CNIH3: variants seen among roughly 807,000 people sequenced by gnomAD.
The protein encoded by CNIH3 is cornichon family AMPA receptor auxiliary protein 3.
A neutral mutation model predicts 24.1 loss-of-function variants in CNIH3; 14 were observed. That is an observed-to-expected ratio of 0.58 (90% CI 0.38 to 0.91). The LOEUF is 0.91. CNIH3 is among the 40% of genes least tolerant of loss of function. The pLI, the probability that CNIH3 is intolerant of heterozygous loss-of-function variation, is 0.00. For synonymous variants in CNIH3, 68 were observed against 73.8 expected (o/e 0.92, Z 0.40); for missense variants, 178 against 196.8 (o/e 0.90, Z 0.57).
chr1:224,629,498 C>T (rs150333476), intron 1 of CNIH3, among the ~76,000 whole-genome samples: 7 of 152,208 alleles, frequency 4.6e-5, no homozygotes, highest in East Asian at 3.9e-4. Context: ...CTCTTTCTGT[C>T]GACAGTTCCG....
rs1332672043 is a variant in CNIH3 at position 224,458,941 on chromosome 1, AG to A, written n.203+24083del. Among the ~76,000 whole-genome samples, 1 of 152,216 alleles carries A rather than the reference AG, an allele frequency of 6.6e-6. No homozygotes were observed. Among genetic ancestry groups the A allele is most frequent in the Non-Finnish European group, 1.5e-5 (1 of 68,044 alleles). On this transcript the variant is annotated intron_variant and non_coding_transcript_variant, in intron 1 of 5. Coordinates refer to the CNIH3 transcript ENST00000471578. This position sits in a 1 kb window ranked among gnomAD's most constrained non-coding sequence, Gnocchi z 4.3. ...CGCTTTGCAGCAACTTTTCAAGAAAAGGGGAAAATTTAAGCACCATACTGTT... is the reference window on the plus strand; with the variant it reads ...CGCTTTGCAGCAACTTTTCAAGAAAAGGGAAAATTTAAGCACCATACTGTT...
At position 224,710,017 on chromosome 1, in the gene CNIH3, GA is replaced by G. The variant is rs976332894; in HGVS notation, c.199-20440del. Among the ~76,000 whole-genome samples, 267 of 152,110 alleles carry G rather than the reference GA, an allele frequency of 1.8e-3. 1 individual carries two copies. Among genetic ancestry groups the G allele is most frequent in the African/African-American group, 6.1e-3 (255 of 41,486 alleles). On this transcript the variant is annotated intron_variant, in intron 3 of 5. Coordinates refer to ENST00000272133, the MANE Select transcript of CNIH3 (RefSeq NM_152495.2). Reference sequence around the variant, plus strand: ...TTTATTATTAATAACTAATAAAATAGAAAAATTATAACAACATACTGTGATA... The same window carrying G: ...TTTATTATTAATAACTAATAAAATAGAAAATTATAACAACATACTGTGATA...
chr1:224,462,918 T>C (rs1675985767), intron 1 of CNIH3, among the ~76,000 whole-genome samples: 1 of 146,376 alleles, frequency 6.8e-6, no homozygotes, highest in Non-Finnish European at 1.5e-5. Context: ...TTTTTTTTTT[T>C]TTTGAGACAG....
intron 2 of CNIH3, among the ~76,000 whole-genome samples, chr1:224,523,894 A>G (rs1678740193): frequency 1.3e-5 from 2 of 152,196 alleles, no homozygotes; most frequent in African/African-American, 4.8e-5. Flanking sequence ...AGTGGAGGCC[A>G]TTAAGCTGAG....
At chr1:224,445,088 G>C (rs568511344) in intron 1 of CNIH3, among the ~76,000 whole-genome samples, 71 of 152,132 alleles carry the variant, frequency 4.7e-4, no homozygotes, top group African/African-American at 1.7e-3. Flanking sequence ...ACGTTACCAG[G>C]ACCCCAGTAG....
chr1:224,514,028 G>T (rs1006502545), upstream of CNIH3: 3 of 152,216 alleles, frequency 2.0e-5, no homozygotes, highest in East Asian at 5.8e-4. Context: ...TCCCACAGCG[G>T]CAAGGCAGAG....
At chr1:224,574,690 A>G in intron 4 of CNIH3, 1 of 1,141,036 alleles carries the variant, frequency 8.8e-7, no homozygotes, top group Non-Finnish European at 1.3e-6. Context: ...TACCATGAGA[A>G]GGGCCTGGTG....
chr1:224,513,341 T>TGGGGG, upstream of CNIH3, among the ~76,000 whole-genome samples: 2 of 2,182 alleles, frequency 9.2e-4, no homozygotes, highest in African/African-American at 1.8e-3. Context: ...TTTGTAGAGT[T>TGGGGG]GGGGGTGGGG....
intron 4 of CNIH3, among the ~76,000 whole-genome samples, chr1:224,733,459 G>A (rs992400258): frequency 1.3e-5 from 2 of 152,232 alleles, no homozygotes; most frequent in African/African-American, 4.8e-5. Context: ...TGAGCTGGCA[G>A]TTGTCATCGA....
intron 1 of CNIH3, among the ~76,000 whole-genome samples, chr1:224,467,867 G>A (rs1348436334): frequency 6.8e-6 from 1 of 146,622 alleles, no homozygotes; most frequent in African/African-American, 2.5e-5. Context: ...GTTAATTTTT[G>A]TAAAAGGTAT....
chr1:224,606,182 C>T (rs1006524973), intron 3 of CNIH3, among the ~76,000 whole-genome samples: 2 of 152,092 alleles, frequency 1.3e-5, no homozygotes, highest in Non-Finnish European at 2.9e-5. Flanking sequence ...ACAGTGTGCT[C>T]TTTTAGTTTT....
chr1:224,608,394 C>T (rs567584079), intron 3 of CNIH3, among the ~76,000 whole-genome samples: 3 of 152,230 alleles, frequency 2.0e-5, no homozygotes, highest in Non-Finnish European at 4.4e-5. Flanking sequence ...TCTCAAAAAC[C>T]GAGCTCCCCA....
At chr1:224,597,204 A>G (rs904869855) in intron 3 of CNIH3, among the ~76,000 whole-genome samples, 1 of 152,018 alleles carries the variant, frequency 6.6e-6, no homozygotes, top group Admixed American at 6.5e-5. Flanking sequence ...AAACCAAACA[A>G]AACAAAACAG....
chr1:224,609,931 C>T (rs1026973643), intron 3 of CNIH3, among the ~76,000 whole-genome samples: 3 of 152,138 alleles, frequency 2.0e-5, no homozygotes, highest in Non-Finnish European at 2.9e-5. Context: ...AGACAGTCCC[C>T]GACTTATGAC....
chr1:224,719,648 C>G (rs1688610078), intron 3 of CNIH3, among the ~76,000 whole-genome samples: 1 of 152,072 alleles, frequency 6.6e-6, no homozygotes, highest in South Asian at 2.1e-4. Context: ...GAATTAGATA[C>G]TATTATTATT....
chr1:224,693,792 T>G (rs1017273162), intron 3 of CNIH3, among the ~76,000 whole-genome samples: 4 of 152,234 alleles, frequency 2.6e-5, no homozygotes, highest in Admixed American at 1.3e-4. Context: ...AGTCTGCTGG[T>G]CTCCAGTATT....
chr1:224,522,364 TA>T (rs1678669963), intron 2 of CNIH3, among the ~76,000 whole-genome samples: 1 of 152,158 alleles, frequency 6.6e-6, no homozygotes, highest in Admixed American at 6.5e-5. Context: ...GGAAACAGAA[TA>T]GAAGATACTA....
At chr1:224,533,607 G>A (rs1679167601) in intron 2 of CNIH3, among the ~76,000 whole-genome samples, 1 of 152,150 alleles carries the variant, frequency 6.6e-6, no homozygotes, top group South Asian at 2.1e-4. Context: ...AATCTGTTGT[G>A]TGCCCTTCTC....
At chr1:224,713,193 A>G (rs570639946) in intron 3 of CNIH3, among the ~76,000 whole-genome samples, 14 of 152,356 alleles carry the variant, frequency 9.2e-5, no homozygotes, top group South Asian at 2.1e-4. Flanking sequence ...TTGCAGTCCA[A>G]TAGTTTATTG....
Sources: allele counts gnomAD v4.1 joint callset (sites outside exome capture counted in the v4.1 genomes callset), GRCh38; gene constraint gnomAD v4.1.1; non-coding constraint Gnocchi (gnomAD v3.1); transcripts MANE v1.5; gene names NCBI Gene and HGNC (gene_info 2026-07-23, HGNC 2026-07-21).